MAPT: variants seen among roughly 807,000 people sequenced by gnomAD.
The protein encoded by MAPT is microtubule associated protein tau.
A neutral mutation model predicts 67.9 loss-of-function variants in MAPT; 34 were observed. That is an observed-to-expected ratio of 0.50 (90% CI 0.38 to 0.67). The LOEUF (loss-of-function observed/expected upper bound fraction) is 0.67. Among genes scored for constraint, MAPT ranks in the 30% least tolerant of loss-of-function variants. The pLI is 0.00. For synonymous variants in MAPT, 456 were observed against 464.5 expected (o/e 0.98, Z 0.23); for missense variants, 881 against 1,115.2 (o/e 0.79, Z 2.99).
intron 1 of MAPT, among the ~76,000 whole-genome samples, chr17:45,930,942 T>C (rs2066798714): frequency 6.6e-6 from 1 of 152,222 alleles, no homozygotes; most frequent in Non-Finnish European, 1.5e-5. Flanking sequence ...CACCATCTTC[T>C]GTGGGTCCTG....
chr17:46,020,854 C>T (rs2076485552), intron 12 of MAPT, among the ~76,000 whole-genome samples: 1 of 152,136 alleles, frequency 6.6e-6, no homozygotes, highest in Non-Finnish European at 1.5e-5. Context: ...GGTGGGGACA[C>T]AGCCAAACCA....
rs767006140 is a variant in MAPT at position 46,024,210 on chromosome 17, G to C, written c.*39G>C. 2 of 1,557,956 alleles carry C rather than the reference G, an allele frequency of 1.3e-6. No individual in the cohort carries two copies. Among genetic ancestry groups the C allele is most frequent in the East Asian group, 4.5e-5 (2 of 44,606 alleles). ...GCGGTCAATAATTGTGGAGAGGAGA[G>C]AATGAGAGAGTGTGGAAAAAAAAAG... On this transcript the variant is annotated 3_prime_UTR_variant, in exon 13 of 13. Coordinates refer to ENST00000262410, the MANE Select transcript of MAPT (RefSeq NM_001377265.1).
At chr17:45,934,641 G>A (rs373152699) in intron 1 of MAPT, among the ~76,000 whole-genome samples, 95 of 152,310 alleles carry the variant, frequency 6.2e-4, no homozygotes, top group African/African-American at 1.9e-3. Context: ...ACTTGCGCAC[G>A]TAACCATGTC....
chr17:45,968,110 C>A lies in MAPT; in HGVS notation c.134-3749C>A, dbSNP rs933537291. Among the ~76,000 whole-genome samples the A allele has an allele frequency of 1.8e-4, 28 of 152,164 alleles. No homozygotes were observed. The South Asian group carries it at 2.1e-3, about 11-fold the overall frequency. On this transcript the variant is annotated intron_variant, in intron 2 of 12. Coordinates refer to ENST00000262410, the MANE Select transcript of MAPT (RefSeq NM_001377265.1). ...TAAAGCAGCGCGCCACAAACTATAA[C>A]CCACAAGCCAATTCTGGTACCCAGC... is the stretch of plus-strand genomic sequence containing the variant.
chr17:45,905,778 T>C (rs953648019), intron 1 of MAPT, among the ~76,000 whole-genome samples: 17 of 152,306 alleles, frequency 1.1e-4, no homozygotes, highest in African/African-American at 3.8e-4. Flanking sequence ...CCCCTCAGAA[T>C]GGATGATAAT....
chr17:45,994,303 T>C (rs2074299277), intron 8 of MAPT, among the ~76,000 whole-genome samples: 1 of 152,082 alleles, frequency 6.6e-6, no homozygotes, highest in Non-Finnish European at 1.5e-5. Flanking sequence ...ACGACCACTC[T>C]GTAAATAAGA....
intron 1 of MAPT, among the ~76,000 whole-genome samples, chr17:45,911,024 T>G (rs927153162): frequency 9.2e-5 from 14 of 152,236 alleles, no homozygotes; most frequent in African/African-American, 3.4e-4. Context: ...ATCTAAAGGC[T>G]AAAAATAGTT....
At position 45,903,762 on chromosome 17, in the gene MAPT, T is replaced by A. The variant is rs1395140294; in HGVS notation, c.-18+9076T>A. On this transcript the variant is annotated intron_variant, in intron 1 of 12. Transcript: ENST00000262410. ...CTCTTTGGTTTTATATATATTTTTT[T>A]TATATATATAATATATATTAAAATA... Among the ~76,000 whole-genome samples the A allele has an allele frequency of 8.6e-5, 8 of 92,898 alleles. 1 individual carries two copies. The highest frequency in any genetic ancestry group is 3.7e-4 in the Admixed American group (2 of 5,442). 60.9% of individuals were successfully genotyped at this position (92,898 alleles called of 152,430 possible).
At chr17:45,951,200 G>A (rs955558201) in intron 1 of MAPT, among the ~76,000 whole-genome samples, 3 of 152,188 alleles carry the variant, frequency 2.0e-5, no homozygotes, top group Non-Finnish European at 2.9e-5. Flanking sequence ...GGGGACTGGC[G>A]AAGGGGAGAA....
intron 1 of MAPT, among the ~76,000 whole-genome samples, chr17:45,903,930 ATATATTTATATATAATATATAT>A: frequency 2.8e-5 from 1 of 35,710 alleles, no homozygotes; most frequent in African/African-American, 1.1e-4. Context: ...TATATATATT[ATATATTTATATATAATATATAT>A]TATATATTAT....
rs753863073 is a variant in MAPT at position 45,987,105 on chromosome 17, C to G, written c.1407+10C>G. 1 of 1,613,646 alleles carries G rather than the reference C, an allele frequency of 6.2e-7. No homozygotes were observed. The highest frequency in any genetic ancestry group is 1.7e-5 in the Admixed American group (1 of 60,006). On this transcript the variant is annotated intron_variant, in intron 6 of 12. Transcript: ENST00000262410. The stretch of plus-strand genomic sequence containing the variant: ...TGACAAAAAAGCCAAGGTAAGCTGA[C>G]GATGCCACGGAGCTCTGCAGCTGGT...
rs1555674387 is a variant in MAPT at position 45,904,338 on chromosome 17, A to ATATATATTATATATATTAAATATATTT, written c.-18+9659_-18+9660insTATATATATTAAATATATTTTATATAT. Among the ~76,000 whole-genome samples the ATATATATTATATATATTAAATATATTT allele has an allele frequency of 7.8e-4, 49 of 62,428 alleles. 2 individuals are homozygous for ATATATATTATATATATTAAATATATTT. The South Asian group carries it at 0.021, about 26-fold the overall frequency. 41.0% of individuals were successfully genotyped at this position (62,428 alleles called of 152,430 possible). A position where few individuals can be genotyped will look rare whatever the true frequency, so the allele number is the denominator to read the frequency against. On this transcript the variant is annotated intron_variant, in intron 1 of 12. Transcript: ENST00000262410. Reference sequence around the variant, plus strand: ...ACATATATAATATATATTATATATTATATATATATTATATATATTATATAT... The same window carrying ATATATATTATATATATTAAATATATTT: ...ACATATATAATATATATTATATATTATATATATTATATATATTAAATATATTTTATATATATTATATATATTATATAT...
chr17:45,962,729 C>T (rs1042494631), intron 2 of MAPT, among the ~76,000 whole-genome samples: 2 of 152,050 alleles, frequency 1.3e-5, no homozygotes, highest in Non-Finnish European at 2.9e-5. Context: ...AATTTGAGAC[C>T]GGCCTGGGCA....
Position 45,950,639 on chromosome 17 carries a change from T to C in MAPT, c.-17-11682T>C, listed in dbSNP as rs188838950. On this transcript the variant is annotated intron_variant, in intron 1 of 12. Coordinates refer to ENST00000262410, the MANE Select transcript of MAPT (RefSeq NM_001377265.1). Reference sequence around the variant, plus strand: ...AAAGGTCCATATTGTCTAGTTCCCATACTTTTAATTTTTAAAATTTTATTT... The same window carrying C: ...AAAGGTCCATATTGTCTAGTTCCCACACTTTTAATTTTTAAAATTTTATTT... 1.1e-3 allele frequency among the ~76,000 whole-genome samples: 166 copies of C among 152,272 alleles called. 1 individual carries two copies. The highest frequency in any genetic ancestry group is 1.7e-3 in the South Asian group (8 of 4,820).
In MAPT at chr17:45,983,153, G is replaced by A. The variant is rs746609840; in HGVS notation, c.574G>A (p.Ala192Thr). The A allele has an allele frequency of 1.4e-5, 23 of 1,600,770 alleles. 1 individual carries two copies. In the Middle Eastern group the frequency reaches 9.9e-4, roughly 69 times the overall value. The change falls in exon 5 of 13, where the codon GCC (alanine) becomes ACC (threonine). Residue 192 changes from alanine (A) to threonine (T), a missense_variant. Around this residue, in one of 6 missense-constraint regions of MAPT, gnomAD observed 687 missense variants for 766.1 expected, o/e 0.90. Transcript: ENST00000262410. ...GAAGGGTCCGGCCTTTCCGAAGCCC[G>A]CCACCACTGCGTATCTCCACACAGA... ...AEKGPAFPKP[A>T]TTAYLHTEPE...
At chr17:45,953,661 A>G (rs2069313806) in intron 1 of MAPT, among the ~76,000 whole-genome samples, 1 of 152,212 alleles carries the variant, frequency 6.6e-6, no homozygotes, top group Admixed American at 6.5e-5. Flanking sequence ...CTATTGGTGC[A>G]TCTGACTCTC....
chr17:45,967,219 G>A (rs1598193200), intron 2 of MAPT, among the ~76,000 whole-genome samples: 1 of 152,322 alleles, frequency 6.6e-6, no homozygotes. Context: ...ATTAAAAGGT[G>A]TTGATGAGTT....
chr17:45,964,012 G>A (rs1055657563), intron 2 of MAPT, among the ~76,000 whole-genome samples: 6 of 152,258 alleles, frequency 3.9e-5, no homozygotes, highest in African/African-American at 1.4e-4. Flanking sequence ...CTCTGGGTGA[G>A]GAGGTGAGAG....
At chr17:45,911,369 C>T (rs1472872800) in intron 1 of MAPT, among the ~76,000 whole-genome samples, 1 of 152,240 alleles carries the variant, frequency 6.6e-6, no homozygotes, top group Non-Finnish European at 1.5e-5. Flanking sequence ...AGTGGCTGCG[C>T]CTGTAGTCCC....
Sources: gnomAD v4.1 joint callset for allele counts (sites outside exome capture counted in the v4.1 genomes callset) on GRCh38, gnomAD v4.1.1 for gene constraint, gnomAD v4.1.1 regional missense constraint, MANE v1.5 for transcripts, NCBI Gene and HGNC (gene_info 2026-07-23, HGNC 2026-07-21) for gene names.